NFAM1: variants seen among roughly 807,000 people sequenced by gnomAD.
NFAM1 encodes the protein NFAT activation molecule 1.
NFAM1 carries 17 observed loss-of-function variants against 29.0 expected under a neutral mutation model. The ratio of observed to expected loss-of-function variants is 0.59; its 90% CI spans 0.40 to 0.88. The LOEUF (loss-of-function observed/expected upper bound fraction) is 0.88. NFAM1 is among the 40% of genes least tolerant of loss of function. NFAM1 has a pLI of 0.00. For missense variants in NFAM1, 324 were observed against 344.6 expected (o/e 0.94, Z 0.47); for synonymous variants, 175 against 147.2 (o/e 1.19, Z -1.36).
chr22:42,409,557 A>G lies in NFAM1; in HGVS notation c.452-10T>C. 1.4e-6 allele frequency: 2 copies of G among 1,391,030 alleles called. No individual in the cohort carries two copies. The highest frequency in any genetic ancestry group is 2.9e-5 in the South Asian group (2 of 69,364). 86.2% of individuals were successfully genotyped at this position (1,391,030 alleles called of 1,614,324 possible). On this transcript the variant is annotated splice_polypyrimidine_tract_variant and intron_variant, in intron 2 of 5. Transcript: ENST00000329021. The surrounding 1 kb of genome is among the most constrained non-coding windows in gnomAD (Gnocchi z 4.9). ...TCTCGGTACCCTGCGTCTAGGAGGA[A>G]GCGCAGGGGAGCAGAGGGGTCAGTG...
Position 42,385,146 on chromosome 22 carries a change from G to A in NFAM1, c.*15C>T, listed in dbSNP as rs1929091593. The A allele has an allele frequency of 6.8e-6, 11 of 1,606,520 alleles. No individual in the cohort carries two copies. Among genetic ancestry groups the A allele is most frequent in the Non-Finnish European group, 9.4e-6 (11 of 1,173,262 alleles). On this transcript the variant is annotated 3_prime_UTR_variant, in exon 6 of 6. Transcript: ENST00000329021. Reference sequence around the variant, plus strand: ...CTCTGACCCAGGGCAAGCTCTATGAGCGGTGGAGCCCATCCTAGAGATTTT... The same window carrying A: ...CTCTGACCCAGGGCAAGCTCTATGAACGGTGGAGCCCATCCTAGAGATTTT...
chr22:42,416,673 A>G (rs1436655239), intron 1 of NFAM1, among the ~76,000 whole-genome samples: 1 of 152,002 alleles, frequency 6.6e-6, no homozygotes, highest in Non-Finnish European at 1.5e-5. Context: ...CCTGCTTCTC[A>G]CCCCAGGCTG....
At chr22:42,420,845 G>A (rs1279645689) in intron 1 of NFAM1, among the ~76,000 whole-genome samples, 1 of 152,188 alleles carries the variant, frequency 6.6e-6, no homozygotes, top group Non-Finnish European at 1.5e-5. Flanking sequence ...CTTCTTTAAA[G>A]GGAGTCAAAA....
upstream of NFAM1, among the ~76,000 whole-genome samples, chr22:42,435,975 A>G (rs942547546): frequency 2.0e-5 from 3 of 151,576 alleles, no homozygotes; most frequent in Admixed American, 6.6e-5. Context: ...GCCTGCCACC[A>G]CACCTGGCTA....
chr22:42,428,740 A>T (rs73886101), intron 1 of NFAM1, among the ~76,000 whole-genome samples: 9 of 152,300 alleles, frequency 5.9e-5, no homozygotes, highest in African/African-American at 2.2e-4. Flanking sequence ...AGAAATAAAT[A>T]CAGCCCAGAG....
At chr22:42,404,852 CAAAAAAAAAA>C (rs397937097) in intron 3 of NFAM1, among the ~76,000 whole-genome samples, 3 of 88,746 alleles carry the variant, frequency 3.4e-5, no homozygotes, top group African/African-American at 3.9e-5. Context: ...AACTCCATCT[CAAAAAAAAAA>C]AAAAAAAAAA....
chr22:42,405,872 C>A (rs1929880264), intron 3 of NFAM1, among the ~76,000 whole-genome samples: 1 of 152,188 alleles, frequency 6.6e-6, no homozygotes, highest in Non-Finnish European at 1.5e-5. Context: ...GGGGAGCCAG[C>A]ATCGTGGCTG....
At chr22:42,414,182 A>T (rs1411814248) in intron 1 of NFAM1, among the ~76,000 whole-genome samples, 1 of 152,198 alleles carries the variant, frequency 6.6e-6, no homozygotes, top group Non-Finnish European at 1.5e-5. Flanking sequence ...TGTAATTGAC[A>T]TAACGACACT....
chr22:42,403,911 C>T (rs756027709), intron 3 of NFAM1, among the ~76,000 whole-genome samples: 1 of 152,154 alleles, frequency 6.6e-6, no homozygotes, highest in Non-Finnish European at 1.5e-5. Context: ...ATCCAGAAAG[C>T]AAAGAAGGAG....
At chr22:42,418,466 C>G (rs1216395234) in intron 1 of NFAM1, among the ~76,000 whole-genome samples, 14 of 152,118 alleles carry the variant, frequency 9.2e-5, no homozygotes, top group Non-Finnish European at 1.8e-4. Context: ...CCGAGGCAGG[C>G]AGATCACATG....
intron 1 of NFAM1, among the ~76,000 whole-genome samples, chr22:42,412,915 C>G (rs796424845): frequency 2.6e-5 from 4 of 152,312 alleles, no homozygotes; most frequent in African/African-American, 9.6e-5. Flanking sequence ...ACCCCTCCCC[C>G]CACTCATCAG....
rs12160838 is a variant in NFAM1, at chr22:42,397,557, G to A, written c.663+301C>T. Among the ~76,000 whole-genome samples the A allele has an allele frequency of 0.17, 25,329 of 151,998 alleles. 2,265 individuals carry two copies. The highest frequency in any genetic ancestry group is 0.21 in the African/African-American group (8,777 of 41,462). ...GATGAAGGAGCTTTCTTCATTCTTC[G>A]CCAACTTGTGCCGTCACTACCCCTT... On this transcript the variant is annotated intron_variant, in intron 4 of 5. Transcript: ENST00000329021.
At chr22:42,401,778 C>G (rs572697044) in intron 3 of NFAM1, among the ~76,000 whole-genome samples, 7 of 152,132 alleles carry the variant, frequency 4.6e-5, no homozygotes, top group Non-Finnish European at 8.8e-5. Context: ...AGGGAGTCAC[C>G]AGGCCTGGGC....
chr22:42,396,369 G>A (rs926530606), intron 4 of NFAM1, among the ~76,000 whole-genome samples: 86 of 152,162 alleles, frequency 5.7e-4, no homozygotes, highest in Admixed American at 4.8e-3. Flanking sequence ...GTGTGAGTGC[G>A]TATGGGTTTC....
intron 4 of NFAM1, among the ~76,000 whole-genome samples, chr22:42,395,752 G>A (rs1929499757): frequency 6.6e-6 from 1 of 151,142 alleles, no homozygotes; most frequent in African/African-American, 2.4e-5. Flanking sequence ...GCGCAGTGGC[G>A]GGCACCTGTA....
At chr22:42,417,452 G>A (rs1930297716) in intron 1 of NFAM1, among the ~76,000 whole-genome samples, 1 of 152,210 alleles carries the variant, frequency 6.6e-6, no homozygotes, top group Non-Finnish European at 1.5e-5. Context: ...TGGGGCGCAG[G>A]GAGGAAACGT....
chr22:42,404,466 T>TTAGCAATGCAAACGCAGCAGCTGCTC (rs1929826204), intron 3 of NFAM1, among the ~76,000 whole-genome samples: 1 of 152,040 alleles, frequency 6.6e-6, no homozygotes, highest in Non-Finnish European at 1.5e-5. Flanking sequence ...CAGGGCTGCT[T>TTAGCAATGCAAACGCAGCAGCTGCTC]TAGCAATGCA....
rs1930093834 is a variant in NFAM1 at position 42,411,594 on chromosome 22, C to T, written c.264G>A (p.Gln88=). 1.9e-6 allele frequency: 3 copies of T among 1,614,204 alleles called. No homozygotes were observed. Among genetic ancestry groups the T allele is most frequent in the East Asian group, 4.5e-5 (2 of 44,890 alleles). Residue 88 remains glutamine (Q), a synonymous_variant, in exon 2 of 6, where the codon CAG becomes CAA. Transcript: ENST00000329021. Reference sequence around the variant, plus strand: ...TTGGCTTCTTAGGGCTCCTCTGTCCCTGGAGATCTTCATGAAAGTAGCTGA... The same window carrying T: ...TTGGCTTCTTAGGGCTCCTCTGTCCTTGGAGATCTTCATGAAAGTAGCTGA... ...FTVSYFHEDL[Q]GQRSPKKPTN... is the part of the protein sequence containing the mutation.
intron 4 of NFAM1, among the ~76,000 whole-genome samples, chr22:42,390,858 G>C (rs1929315187): frequency 6.6e-6 from 1 of 150,802 alleles, no homozygotes; most frequent in Non-Finnish European, 1.5e-5. Context: ...CGTGGCCAGT[G>C]TCAGGAAGGC....
Sources: allele counts gnomAD v4.1 joint callset (sites outside exome capture counted in the v4.1 genomes callset), GRCh38; gene constraint gnomAD v4.1.1; non-coding constraint Gnocchi (gnomAD v3.1); transcripts MANE v1.5; gene names NCBI Gene and HGNC (gene_info 2026-07-23, HGNC 2026-07-21).